Variants in MATN2 observed in about 807,000 individuals in gnomAD.
The protein encoded by MATN2 is matrilin-2.
Under a neutral mutation model 103.2 loss-of-function variants are expected in MATN2, and 69 were observed. The ratio of observed to expected loss-of-function variants is 0.67; its 90% confidence interval spans 0.55 to 0.82. The LOEUF (loss-of-function observed/expected upper bound fraction) is 0.82, where lower values mean the gene tolerates loss of function less well. Among genes scored for constraint, MATN2 ranks in the 40% least tolerant of loss-of-function variants. The pLI, the probability that MATN2 is intolerant of heterozygous loss-of-function variation, is 0.00. For missense variants in MATN2, 1,023 were observed against 1,211.5 expected, an observed-to-expected ratio of 0.84 and a Z score of 2.31; for synonymous variants, 429 against 450.2, an observed-to-expected ratio of 0.95 and a Z score of 0.60.
At position 97,890,372 on chromosome 8, in the gene MATN2, G is replaced by A. The variant is rs573154913; in HGVS notation, c.142+2130G>A. ...CCCAGCTACTCGGGAGGCTGAGGCAGGAGAATCGCTTGAACCCAGGAAGTG... is the reference window on the plus strand; with the variant it reads ...CCCAGCTACTCGGGAGGCTGAGGCAAGAGAATCGCTTGAACCCAGGAAGTG... On this transcript the variant is annotated intron_variant, in intron 2 of 18. Transcript: ENST00000254898. Among the ~76,000 whole-genome samples the A allele has an allele frequency of 8.0e-4, 121 of 152,116 alleles. 1 individual carries two copies. Among genetic ancestry groups the A allele is most frequent in the Admixed American group, 3.3e-3 (50 of 15,258 alleles).
chr8:98,006,324 T>C (rs1812968134), intron 8 of MATN2, among the ~76,000 whole-genome samples: 1 of 152,248 alleles, frequency 6.6e-6, no homozygotes, highest in African/African-American at 2.4e-5. Context: ...TGACTAATTC[T>C]TACTCAGCAC....
Position 97,994,534 on chromosome 8 carries a change from C to G in MATN2, c.1136C>G (p.Thr379Arg), listed in dbSNP as rs756889694. 2 of 1,613,658 alleles carry G rather than the reference C, an allele frequency of 1.2e-6. No homozygotes were observed. Among genetic ancestry groups the G allele is most frequent in the East Asian group, 2.2e-5 (1 of 44,862 alleles). Residue 379 changes from threonine (T) to arginine (R), a missense_variant, in exon 7 of 19, where the codon ACA becomes AGA. Coordinates refer to ENST00000254898, the MANE Select transcript of MATN2 (RefSeq NM_002380.5). ...GGATGTCAGCACGAGTGTGTTAACA[C>G]AGATGATTCCTATTCCTGCCACTGC... Reference protein sequence around the residue: ...NHGCQHECVNTDDSYSCHCLK... With the variant: ...NHGCQHECVNRDDSYSCHCLK...
chr8:97,893,322 C>A (rs1485894542), intron 2 of MATN2, among the ~76,000 whole-genome samples: 1 of 152,194 alleles, frequency 6.6e-6, no homozygotes, highest in Non-Finnish European at 1.5e-5. Flanking sequence ...TTCCCCTTGA[C>A]CAGCCTTATC....
intron 4 of MATN2, among the ~76,000 whole-genome samples, chr8:97,951,248 A>G (rs1159135794): frequency 1.3e-5 from 2 of 152,252 alleles, no homozygotes; most frequent in Admixed American, 1.3e-4. Context: ...GCCAGGGCAC[A>G]GGATTTTCTA....
At chr8:97,928,689 A>G (rs1408784409) in intron 2 of MATN2, among the ~76,000 whole-genome samples, 1 of 152,110 alleles carries the variant, frequency 6.6e-6, no homozygotes, top group African/African-American at 2.4e-5. Context: ...GGGGCTGGAC[A>G]CGAGTGAGGG....
intron 18 of MATN2, among the ~76,000 whole-genome samples, chr8:98,034,899 G>A (rs1814180232): frequency 6.7e-6 from 1 of 150,232 alleles, no homozygotes; most frequent in Non-Finnish European, 1.5e-5. Flanking sequence ...CATTAAGGGT[G>A]GAAGTGGAAT....
chr8:98,010,435 G>A (rs1232260168), intron 10 of MATN2, among the ~76,000 whole-genome samples: 1 of 152,186 alleles, frequency 6.6e-6, no homozygotes, highest in Non-Finnish European at 1.5e-5. Flanking sequence ...CAAGGGAATT[G>A]GCCCTCTTGG....
intron 2 of MATN2, among the ~76,000 whole-genome samples, chr8:97,922,058 GA>G (rs1809830887): frequency 6.6e-6 from 1 of 152,270 alleles, no homozygotes; most frequent in East Asian, 1.9e-4. Context: ...CACTCCTTAT[GA>G]AAATCTAACT....
intron 4 of MATN2, among the ~76,000 whole-genome samples, chr8:97,951,157 G>A (rs747092665): frequency 6.6e-6 from 1 of 152,206 alleles, no homozygotes; most frequent in Non-Finnish European, 1.5e-5. Flanking sequence ...CCGTCATCCA[G>A]CTTCCCCTTG....
intron 5 of MATN2, among the ~76,000 whole-genome samples, chr8:97,972,909 C>T (rs1053354785): frequency 1.3e-5 from 2 of 152,214 alleles, no homozygotes; most frequent in African/African-American, 4.8e-5. Flanking sequence ...TAGATGAGAA[C>T]TTGGAACAAT....
rs1311204184 is a variant in MATN2 at position 98,036,512 on chromosome 8, G to C, written c.*800G>C. The C allele has an allele frequency of 8.5e-5, 13 of 152,182 alleles. No individual in the cohort carries two copies. The highest frequency in any genetic ancestry group is 8.5e-4 in the Admixed American group (13 of 15,282). The allele number at this position is 152,182 out of a possible 1,614,324, so 9.4% of individuals were successfully genotyped here. ...AAATGCACACAACCCTGTAAATCTA[G>C]CAACTGCACTCAGTTGATTTCAGCC... On this transcript the variant is annotated 3_prime_UTR_variant, in exon 19 of 19. Transcript: ENST00000254898.
chr8:97,988,189 T>TATATATATATATATAC (rs71570279), intron 6 of MATN2, among the ~76,000 whole-genome samples: 12 of 54,956 alleles, frequency 2.2e-4, no homozygotes, highest in Admixed American at 1.8e-3. Context: ...TATATATATA[T>TATATATATATATATAC]ACACACACAC....
chr8:97,936,163 C>T (rs76720708), intron 3 of MATN2, among the ~76,000 whole-genome samples: 7,331 of 152,222 alleles, frequency 0.048, 326 homozygotes, highest in Non-Finnish European at 0.067. Flanking sequence ...CCCCACACAT[C>T]CTGGAGTCTG....
At chr8:97,963,167 T>G (rs780171309) in intron 5 of MATN2, among the ~76,000 whole-genome samples, 1 of 152,160 alleles carries the variant, frequency 6.6e-6, no homozygotes, top group Non-Finnish European at 1.5e-5. Flanking sequence ...AAACATTTTG[T>G]AAAGATTTAA....
chr8:97,873,670 G>A (rs755084356), intron 1 of MATN2, among the ~76,000 whole-genome samples: 1 of 152,104 alleles, frequency 6.6e-6, no homozygotes, highest in African/African-American at 2.4e-5. Flanking sequence ...AAGACCAGAG[G>A]GGTCAAGGCT....
intron 6 of MATN2, among the ~76,000 whole-genome samples, chr8:97,986,089 A>G (rs944262740): frequency 6.6e-6 from 1 of 152,204 alleles, no homozygotes; most frequent in South Asian, 2.1e-4. Flanking sequence ...CTGCTCAAAT[A>G]ATATTGTGAT....
intron 7 of MATN2, among the ~76,000 whole-genome samples, chr8:98,002,301 G>T (rs891688662): frequency 1.3e-5 from 2 of 152,206 alleles, no homozygotes; most frequent in Admixed American, 1.3e-4. Context: ...CAGCATCAGA[G>T]ATACGCCTCC....
intron 5 of MATN2, among the ~76,000 whole-genome samples, chr8:97,977,474 G>T (rs963298176): frequency 1.1e-4 from 16 of 152,024 alleles, no homozygotes; most frequent in African/African-American, 3.9e-4. Context: ...ACTCCAACAT[G>T]TCTTTTTAGG....
chr8:97,875,815 C>A (rs1165379060), intron 1 of MATN2, among the ~76,000 whole-genome samples: 4 of 149,300 alleles, frequency 2.7e-5, no homozygotes, highest in Non-Finnish European at 5.9e-5. Flanking sequence ...CCTGCCTCAG[C>A]CTCCTGAGTA....
Sources: allele counts gnomAD v4.1 joint callset (sites outside exome capture counted in the v4.1 genomes callset), GRCh38; gene constraint gnomAD v4.1.1; transcripts MANE v1.5; gene names NCBI Gene and HGNC (gene_info 2026-07-23, HGNC 2026-07-21).